Variants in CSMD1 observed in about 807,000 individuals in gnomAD.
CSMD1 encodes CUB and Sushi multiple domains 1.
CSMD1 carries 213 observed loss-of-function variants against 417.5 expected under a neutral mutation model. The ratio of observed to expected loss-of-function variants is 0.51; its 90% CI spans 0.46 to 0.57. The LOEUF (loss-of-function observed/expected upper bound fraction) is 0.57, where lower values mean the gene tolerates loss of function less well. Ranked by LOEUF, CSMD1 falls within the 20% of genes least tolerant of loss-of-function variation. The pLI is 0.00. For missense variants in CSMD1, 6,923 were observed against 4,529.7 expected (o/e 1.53, Z -15.17); for synonymous variants, 2,862 against 1,736.8 (o/e 1.65, Z -16.11).
chr8:3,640,123 T>C (rs1337997432), intron 7 of CSMD1, among the ~76,000 whole-genome samples: 1 of 152,190 alleles, frequency 6.6e-6, no homozygotes, highest in Non-Finnish European at 1.5e-5. Flanking sequence ...TTTTTCCACC[T>C]GTCCCACTTT....
chr8:2,974,124 G>GATGATGGTAGAGA (rs1563196757), intron 56 of CSMD1, among the ~76,000 whole-genome samples: 3 of 151,338 alleles, frequency 2.0e-5, no homozygotes, highest in African/African-American at 7.3e-5. Flanking sequence ...GATGGTAGAG[G>GATGATGGTAGAGA]GAGGGAAAAT....
At chr8:4,057,105 C>G (rs558790817) in intron 3 of CSMD1, among the ~76,000 whole-genome samples, 11 of 152,166 alleles carry the variant, frequency 7.2e-5, no homozygotes, top group African/African-American at 1.4e-4. Context: ...CCTGAGGAAT[C>G]GCCACACTGA....
At chr8:3,357,806 A>G (rs535978166) in intron 21 of CSMD1, among the ~76,000 whole-genome samples, 3 of 152,174 alleles carry the variant, frequency 2.0e-5, no homozygotes, top group Non-Finnish European at 2.9e-5. Context: ...TTTGCCTTCC[A>G]TTCTCAAATA....
At chr8:3,281,472 G>C (rs1209250135) in intron 26 of CSMD1, among the ~76,000 whole-genome samples, 1 of 152,022 alleles carries the variant, frequency 6.6e-6, no homozygotes, top group Admixed American at 6.6e-5. Context: ...ATAAACTGTG[G>C]TACAACAAGT....
chr8:3,548,188 T>G (rs1051287274), intron 10 of CSMD1, among the ~76,000 whole-genome samples: 2 of 152,192 alleles, frequency 1.3e-5, no homozygotes, highest in Non-Finnish European at 2.9e-5. Context: ...AACCTAGGAT[T>G]CCTTTGCCTT....
chr8:2,986,951 G>C (rs1440119973), intron 54 of CSMD1, among the ~76,000 whole-genome samples: 6 of 151,946 alleles, frequency 3.9e-5, no homozygotes, highest in Admixed American at 6.6e-5. Context: ...AATAACACAA[G>C]GAAGTGGCAT....
chr8:2,955,096 G>C lies in CSMD1; in HGVS notation c.9994+493C>G, dbSNP rs73499060. ...GATCGTTTCCATGTGAATTGCTTTT[G>C]TAATTTTAAAAAGCAGAATCAATGT... is the stretch of plus-strand genomic sequence containing the variant. On this transcript the variant is annotated intron_variant, in intron 64 of 69. Coordinates refer to ENST00000635120, the MANE Select transcript of CSMD1 (RefSeq NM_033225.6). Among the ~76,000 whole-genome samples the C allele has an allele frequency of 8.1e-3, 1,239 of 152,244 alleles. 15 individuals are homozygous for C. Among genetic ancestry groups the C allele is most frequent in the African/African-American group, 0.028 (1,166 of 41,546 alleles).
intron 1 of CSMD1, among the ~76,000 whole-genome samples, chr8:4,963,272 C>T (rs989181994): frequency 1.3e-5 from 2 of 152,166 alleles, no homozygotes; most frequent in Non-Finnish European, 2.9e-5. Context: ...GCAATCTTGA[C>T]TCACTGTAAC....
intron 6 of CSMD1, among the ~76,000 whole-genome samples, chr8:3,752,345 T>A (rs1048544592): frequency 6.6e-6 from 1 of 152,052 alleles, no homozygotes; most frequent in African/African-American, 2.4e-5. Context: ...TGGACAATGT[T>A]CCTGATGAAG....
intron 3 of CSMD1, among the ~76,000 whole-genome samples, chr8:4,198,152 C>G (rs982807685): frequency 6.6e-6 from 1 of 152,170 alleles, no homozygotes; most frequent in Non-Finnish European, 1.5e-5. Flanking sequence ...AAATGATGAT[C>G]AGCAGTCCCG....
chr8:4,213,807 T>G (rs146459802), intron 3 of CSMD1, among the ~76,000 whole-genome samples: 1 of 152,026 alleles, frequency 6.6e-6, no homozygotes, highest in African/African-American at 2.4e-5. Flanking sequence ...CTAACTTGCA[T>G]TGAGAAAGAT....
At chr8:4,454,293 A>G (rs896339369) in intron 2 of CSMD1, among the ~76,000 whole-genome samples, 21 of 152,116 alleles carry the variant, frequency 1.4e-4, no homozygotes, top group African/African-American at 5.1e-4. Context: ...TTCGGTGGAC[A>G]CCAGACGCAG....
At position 3,029,426 on chromosome 8, in the gene CSMD1, T is replaced by C. The variant is rs752993809; in HGVS notation, c.7748A>G (p.Gln2583Arg). ...VSGSLNEYGA[Q>R]VLLSCSPGYY... ...ACCAGGACTGCAGCTCAGCAATACT[T>C]GAGCACCGTACTCATTCAAGGATCC... The change falls in exon 51 of 70, where the codon CAA (glutamine) becomes CGA (arginine). Residue 2583 changes from glutamine (Q) to arginine (R), a missense_variant. Coordinates refer to ENST00000635120, the MANE Select transcript of CSMD1 (RefSeq NM_033225.6). 2 of 1,611,386 alleles carry C rather than the reference T, an allele frequency of 1.2e-6. 1 individual carries two copies. The highest frequency in any genetic ancestry group is 2.2e-5 in the South Asian group (2 of 90,420).
intron 6 of CSMD1, among the ~76,000 whole-genome samples, chr8:3,732,675 T>C (rs1329447486): frequency 6.6e-6 from 1 of 152,148 alleles, no homozygotes; most frequent in African/African-American, 2.4e-5. Context: ...TAAATTGATT[T>C]TTTTTAAGAC....
At chr8:3,725,638 C>T (rs1416351891) in intron 6 of CSMD1, among the ~76,000 whole-genome samples, 2 of 152,006 alleles carry the variant, frequency 1.3e-5, no homozygotes, top group Non-Finnish European at 2.9e-5. Context: ...GATGTCCAAG[C>T]AACAGGATGG....
chr8:3,864,473 CTT>C (rs549881857), intron 5 of CSMD1, among the ~76,000 whole-genome samples: 1 of 152,092 alleles, frequency 6.6e-6, no homozygotes, highest in East Asian at 1.9e-4. Flanking sequence ...GAGGAAGACA[CTT>C]TTTTTATTAT....
At chr8:3,091,715 A>C in intron 47 of CSMD1, 53 bp from the exon 48 acceptor site, 1 of 1,531,810 alleles carries the variant, frequency 6.5e-7, no homozygotes, top group Non-Finnish European at 8.8e-7. Context: ...CACCTACCAA[A>C]TGCATACTAG....
intron 4 of CSMD1, among the ~76,000 whole-genome samples, chr8:4,020,748 C>T (rs572874265): frequency 6.6e-6 from 1 of 152,336 alleles, no homozygotes; most frequent in East Asian, 1.9e-4. Flanking sequence ...TCATTAGACC[C>T]AACGTCATTA....
intron 3 of CSMD1, among the ~76,000 whole-genome samples, chr8:4,061,670 T>C (rs1290815355): frequency 6.6e-6 from 1 of 152,202 alleles, no homozygotes. Context: ...TGTTTCGTGA[T>C]GGTGTGAAAT....
Sources: allele counts gnomAD v4.1 joint callset (sites outside exome capture counted in the v4.1 genomes callset), GRCh38; gene constraint gnomAD v4.1.1; transcripts MANE v1.5; gene names NCBI Gene and HGNC (gene_info 2026-07-23, HGNC 2026-07-21).